THSD7B: variants seen among roughly 807,000 people sequenced by gnomAD.
The protein encoded by THSD7B is thrombospondin type-1 domain-containing protein 7B.
A neutral mutation model predicts 213.6 loss-of-function variants in THSD7B; 138 were observed. The ratio of observed to expected loss-of-function variants is 0.65; its 90% CI spans 0.56 to 0.74. The LOEUF (loss-of-function observed/expected upper bound fraction) is 0.74. Among genes scored for constraint, THSD7B ranks in the 30% least tolerant of loss-of-function variants. The pLI is 0.00. For synonymous variants in THSD7B, 742 were observed against 687.0 expected, an observed-to-expected ratio of 1.08 and a Z score of -1.25; for missense variants, 1,931 against 1,991.5, an observed-to-expected ratio of 0.97 and a Z score of 0.58.
At chr2:136,930,438 G>C (rs1420402204) in intron 2 of THSD7B, among the ~76,000 whole-genome samples, 1 of 152,148 alleles carries the variant, frequency 6.6e-6, no homozygotes, top group Non-Finnish European at 1.5e-5. Flanking sequence ...GATAAGGGAG[G>C]GCCAGCCACT....
At chr2:137,208,851 C>G (rs544055443) in intron 7 of THSD7B, among the ~76,000 whole-genome samples, 2 of 152,094 alleles carry the variant, frequency 1.3e-5, no homozygotes, top group South Asian at 4.1e-4. Context: ...TCTCAAAAGG[C>G]TAATCTTAGG....
chr2:137,258,612 C>T (rs1252303484), intron 10 of THSD7B, among the ~76,000 whole-genome samples: 1 of 151,980 alleles, frequency 6.6e-6, no homozygotes, highest in African/African-American at 2.4e-5. Flanking sequence ...GCCCTGCCCC[C>T]CACCCGCCAC....
At chr2:137,095,168 A>G (rs1558918887) in intron 4 of THSD7B, 47 bp downstream of exon 4, 1 of 1,600,678 alleles carries the variant, frequency 6.2e-7, no homozygotes, top group Non-Finnish European at 8.5e-7. Flanking sequence ...GCATAATTTA[A>G]TGTTGTAGGA....
intron 6 of THSD7B, among the ~76,000 whole-genome samples, chr2:137,164,788 C>A (rs1394496678): frequency 6.6e-6 from 1 of 152,084 alleles, no homozygotes; most frequent in African/African-American, 2.4e-5. Flanking sequence ...GGACAAAAAA[C>A]CAAACACCGC....
At chr2:137,587,762 C>A (rs1027961547) in intron 17 of THSD7B, among the ~76,000 whole-genome samples, 1 of 152,210 alleles carries the variant, frequency 6.6e-6, no homozygotes, top group African/African-American at 2.4e-5. Context: ...CAGTTCCTCC[C>A]AGTTAGGCTA....
intron 4 of THSD7B, among the ~76,000 whole-genome samples, chr2:137,095,392 C>T (rs1688022325): frequency 6.6e-6 from 1 of 152,182 alleles, no homozygotes. Context: ...GTACTTAATT[C>T]ATCCTGTGTT....
At chr2:137,097,191 T>A (rs1688054056) in intron 4 of THSD7B, among the ~76,000 whole-genome samples, 1 of 138,248 alleles carries the variant, frequency 7.2e-6, no homozygotes, top group Admixed American at 7.3e-5. Context: ...TACCTGATAC[T>A]TTCAAAATGT....
At chr2:136,870,683 C>A (rs566601787) in intron 1 of THSD7B, among the ~76,000 whole-genome samples, 1 of 151,896 alleles carries the variant, frequency 6.6e-6, no homozygotes, top group African/African-American at 2.4e-5. Flanking sequence ...AGTGCAAGGA[C>A]GTTAAGAAGG....
intron 12 of THSD7B, among the ~76,000 whole-genome samples, chr2:137,344,085 A>C (rs1684821654): frequency 6.6e-6 from 1 of 151,688 alleles, no homozygotes; most frequent in South Asian, 2.1e-4. Context: ...CTCACAGGAG[A>C]GCAAATCCTA....
intron 3 of THSD7B, among the ~76,000 whole-genome samples, chr2:137,078,420 A>T (rs1282365876): frequency 6.6e-6 from 1 of 152,184 alleles, no homozygotes; most frequent in Non-Finnish European, 1.5e-5. Flanking sequence ...AAATTTTCAA[A>T]TTCATTTGCA....
At chr2:137,311,495 AT>A (rs1318067013) in intron 12 of THSD7B, among the ~76,000 whole-genome samples, 1 of 151,976 alleles carries the variant, frequency 6.6e-6, no homozygotes, top group Non-Finnish European at 1.5e-5. Context: ...AATACCCTTT[AT>A]TTCCTTCTCC....
chr2:137,527,369 A>G (rs1680298878), intron 15 of THSD7B, among the ~76,000 whole-genome samples: 1 of 152,092 alleles, frequency 6.6e-6, no homozygotes, highest in Admixed American at 6.6e-5. Context: ...ATAAATTTTC[A>G]TTTGTCCAGA....
intron 2 of THSD7B, among the ~76,000 whole-genome samples, chr2:136,895,499 TATGCCAAGTGGAGAC>T (rs1683941346): frequency 6.7e-6 from 1 of 148,662 alleles, no homozygotes; most frequent in African/African-American, 2.5e-5. Context: ...ACCAATGTTT[TATGCCAAGTGGAGAC>T]TTTTTTTTTT....
At chr2:136,807,222 C>G (rs1290832697) in intron 1 of THSD7B, among the ~76,000 whole-genome samples, 2 of 152,264 alleles carry the variant, frequency 1.3e-5, no homozygotes, top group East Asian at 3.9e-4. Flanking sequence ...CACTCCATCT[C>G]CTTGAGGAGA....
At chr2:137,488,363 A>G (rs1018184497) in intron 15 of THSD7B, among the ~76,000 whole-genome samples, 7 of 152,212 alleles carry the variant, frequency 4.6e-5, no homozygotes, top group African/African-American at 7.2e-5. Context: ...TGTATAGATC[A>G]TATATGTAAT....
intron 14 of THSD7B, among the ~76,000 whole-genome samples, chr2:137,429,922 G>A (rs995253380): frequency 2.0e-5 from 3 of 152,108 alleles, no homozygotes; most frequent in Non-Finnish European, 4.4e-5. Flanking sequence ...GAACTCCAGT[G>A]TTAACAAAAT....
intron 7 of THSD7B, among the ~76,000 whole-genome samples, chr2:137,203,829 T>C (rs1680927443): frequency 6.6e-6 from 1 of 152,078 alleles, no homozygotes; most frequent in Non-Finnish European, 1.5e-5. Flanking sequence ...AATAGAGATT[T>C]AGAAAAGTAT....
chr2:136,973,273 C>T (rs1479718363), intron 2 of THSD7B, among the ~76,000 whole-genome samples: 1 of 152,034 alleles, frequency 6.6e-6, no homozygotes, highest in Non-Finnish European at 1.5e-5. Flanking sequence ...CTTAGCTGAC[C>T]TCGCTTTCCT....
At chr2:137,639,413 G>A (rs1029278311) in intron 20 of THSD7B, among the ~76,000 whole-genome samples, 1 of 152,226 alleles carries the variant, frequency 6.6e-6, no homozygotes, top group African/African-American at 2.4e-5. Context: ...AAAGTTTGCT[G>A]CAGGGGCAGG....
Sources: gnomAD v4.1 joint callset for allele counts (sites outside exome capture counted in the v4.1 genomes callset) on GRCh38, gnomAD v4.1.1 for gene constraint, MANE v1.5 for transcripts, NCBI Gene and HGNC (gene_info 2026-07-23, HGNC 2026-07-21) for gene names.